The following SNX31 variants were observed in gnomAD, a reference collection of about 807,000 sequenced individuals.
The protein encoded by SNX31 is sorting nexin-31.
A neutral mutation model predicts 65.4 loss-of-function variants in SNX31; 58 were observed. The ratio of observed to expected loss-of-function variants is 0.89; its 90% CI spans 0.72 to 1.10. The LOEUF is 1.10. Ranked by LOEUF, SNX31 falls within the 50% of genes least tolerant of loss-of-function variation. The pLI is 0.00. For synonymous variants in SNX31, 181 were observed against 190.1 expected, an observed-to-expected ratio of 0.95 and a Z score of 0.39; for missense variants, 523 against 529.7, an observed-to-expected ratio of 0.99 and a Z score of 0.12.
intron 1 of SNX31, among the ~76,000 whole-genome samples, chr8:100,655,846 C>T (rs1434801843): frequency 6.6e-6 from 1 of 152,120 alleles, no homozygotes; most frequent in African/African-American, 2.4e-5. Flanking sequence ...AAGGTGTGGA[C>T]AGCATGTGTT....
At chr8:100,611,429 C>T (rs1816698768) in intron 7 of SNX31, among the ~76,000 whole-genome samples, 1 of 152,056 alleles carries the variant, frequency 6.6e-6, no homozygotes. Flanking sequence ...AGATGGCTAC[C>T]CTCCTCATTT....
intron 10 of SNX31, among the ~76,000 whole-genome samples, chr8:100,589,286 A>G (rs1478710596): frequency 2.9e-5 from 4 of 135,962 alleles, no homozygotes; most frequent in Non-Finnish European, 4.6e-5. Context: ...GGGTGACAAG[A>G]GTGAGACTTC....
intron 2 of SNX31, among the ~76,000 whole-genome samples, chr8:100,640,563 G>C (rs1428728358): frequency 6.6e-6 from 1 of 152,220 alleles, no homozygotes; most frequent in African/African-American, 2.4e-5. Context: ...TTACAGTGGA[G>C]AAAACTGACA....
rs530027063 is a variant in SNX31 at position 100,625,831 on chromosome 8, G to C, written c.321+4496C>G. The stretch of plus-strand genomic sequence containing the variant: ...CCCACTGGACACCACCTAGTGGCAG[G>C]GGATGCTGAAGAGATGTACAGACAC... On this transcript the variant is annotated intron_variant, in intron 4 of 13. Transcript: ENST00000311812. The surrounding 1 kb of genome is among the most constrained non-coding windows in gnomAD (Gnocchi z 4.2). 2.6e-5 allele frequency among the ~76,000 whole-genome samples: 4 copies of C among 152,266 alleles called. No individual in the cohort carries two copies. The highest frequency in any genetic ancestry group is 9.6e-5 in the African/African-American group (4 of 41,548).
At chr8:100,606,713 G>A (rs1357037323) in intron 8 of SNX31, among the ~76,000 whole-genome samples, 2 of 152,124 alleles carry the variant, frequency 1.3e-5, no homozygotes, top group East Asian at 1.9e-4. Context: ...TTAGAGTCAC[G>A]CTAAATAAAG....
At chr8:100,580,105 TG>T (rs1470247732) in intron 12 of SNX31, among the ~76,000 whole-genome samples, 2 of 145,856 alleles carry the variant, frequency 1.4e-5, no homozygotes, top group African/African-American at 5.1e-5. Context: ...GAGGTTGCAG[TG>T]AGCTGAGATT....
rs1192738714 is a variant in SNX31, at chr8:100,575,769, T to A, written c.1227+1250A>T. 6.6e-6 allele frequency among the ~76,000 whole-genome samples: 1 copy of A among 152,210 alleles called. No homozygotes were observed. The highest frequency in any genetic ancestry group is 1.5e-5 in the Non-Finnish European group (1 of 68,038). On this transcript the variant is annotated intron_variant, in intron 13 of 13. Coordinates refer to ENST00000311812, the MANE Select transcript of SNX31 (RefSeq NM_152628.4). The surrounding 1 kb of genome is among the most constrained non-coding windows in gnomAD (Gnocchi z 5.1). Reference sequence around the variant, plus strand: ...TGGTGTTCTAGGATAATGGTTCCAATTCTGGTTGTATAATAGGACCACTTG... The same window carrying A: ...TGGTGTTCTAGGATAATGGTTCCAAATCTGGTTGTATAATAGGACCACTTG...
At position 100,648,808 on chromosome 8, in the gene SNX31, T is replaced by A. The variant is rs1819824984; in HGVS notation, c.141+466A>T. ...AAACAAAACTAGAGACACACCTTTT[T>A]AAAGGGGGCAAACTTAAGAAACTCT... On this transcript the variant is annotated intron_variant, in intron 2 of 13. Transcript: ENST00000311812. The surrounding 1 kb of genome is among the most constrained non-coding windows in gnomAD (Gnocchi z 4.3). Among the ~76,000 whole-genome samples, 2 of 152,302 alleles carry A rather than the reference T, an allele frequency of 1.3e-5. No homozygotes were observed. Among genetic ancestry groups the A allele is most frequent in the East Asian group, 3.9e-4 (2 of 5,182 alleles).
At chr8:100,650,941 C>T (rs558362239), upstream of SNX31, among the ~76,000 whole-genome samples, 1 of 151,884 alleles carries the variant, frequency 6.6e-6, no homozygotes, top group African/African-American at 2.4e-5. Context: ...CAACCTCTGC[C>T]TCCCGGGTTC....
chr8:100,592,562 G>T (rs1464677366), intron 10 of SNX31, among the ~76,000 whole-genome samples: 1 of 152,124 alleles, frequency 6.6e-6, no homozygotes, highest in Non-Finnish European at 1.5e-5. Flanking sequence ...AACTAGGCTG[G>T]CAGTTCCTCA....
At chr8:100,638,442 C>T (rs1818928182) in intron 2 of SNX31, among the ~76,000 whole-genome samples, 2 of 152,206 alleles carry the variant, frequency 1.3e-5, no homozygotes, top group African/African-American at 2.4e-5. Flanking sequence ...GCATTTCCAT[C>T]AGCACAAAAG....
chr8:100,642,495 T>C (rs1819327858), intron 2 of SNX31, among the ~76,000 whole-genome samples: 2 of 152,226 alleles, frequency 1.3e-5, no homozygotes, highest in African/African-American at 4.8e-5. Flanking sequence ...AAGGTTCTAA[T>C]ACCTATCACA....
At chr8:100,643,002 C>T (rs1204706800) in intron 2 of SNX31, among the ~76,000 whole-genome samples, 1 of 152,002 alleles carries the variant, frequency 6.6e-6, no homozygotes, top group Non-Finnish European at 1.5e-5. Context: ...ACCAGCCTGG[C>T]CAACATGGCA....
chr8:100,574,751 T>C (rs1041194847), intron 13 of SNX31, among the ~76,000 whole-genome samples: 1 of 151,796 alleles, frequency 6.6e-6, no homozygotes, highest in African/African-American at 2.4e-5. Flanking sequence ...CTGGCCAGCA[T>C]GGTGAAACCC....
Position 100,573,204 on chromosome 8 carries a change from T to G in SNX31, c.*661A>C, listed in dbSNP as rs1391195351. Reference sequence around the variant, plus strand: ...TTGATTATTGAACTGCCTTCAGTACTCTAAGGACAGAATAAAATTATAACA... The same window carrying G: ...TTGATTATTGAACTGCCTTCAGTACGCTAAGGACAGAATAAAATTATAACA... On this transcript the variant is annotated 3_prime_UTR_variant, in exon 14 of 14. Transcript: ENST00000311812. The G allele has an allele frequency of 6.7e-6, 1 of 149,160 alleles. No homozygotes were observed. The highest frequency in any genetic ancestry group is 1.5e-5 in the Non-Finnish European group (1 of 68,010). The allele number at this position is 149,160 out of a possible 1,614,324, so 9.2% of individuals were successfully genotyped here.
At chr8:100,654,244 C>G (rs1039093276), upstream of SNX31, among the ~76,000 whole-genome samples, 2 of 152,122 alleles carry the variant, frequency 1.3e-5, no homozygotes, top group African/African-American at 4.8e-5. Flanking sequence ...CCCTTGGTCT[C>G]AAGTGCTCCT....
rs565832332 is a variant in SNX31 at position 100,588,742 on chromosome 8, G to A, written c.1092+124C>T. 39 of 565,480 alleles carry A rather than the reference G, an allele frequency of 6.9e-5. No homozygotes were observed. The highest frequency in any genetic ancestry group is 6.7e-4 in the African/African-American group (35 of 52,196). The allele number at this position is 565,480 out of a possible 1,614,324, so 35.0% of individuals were successfully genotyped here. A position where few individuals can be genotyped will look rare whatever the true frequency, so the allele number is the denominator to read the frequency against. On this transcript the variant is annotated intron_variant, in intron 11 of 13. Transcript: ENST00000311812. The surrounding 1 kb of genome is among the most constrained non-coding windows in gnomAD (Gnocchi z 4.8). Reference sequence around the variant, plus strand: ...AATAAAAGGTATTACGGTCCCGAACGAGAGTGCATAGAACACTTTAGGGTC... The same window carrying A: ...AATAAAAGGTATTACGGTCCCGAACAAGAGTGCATAGAACACTTTAGGGTC...
intron 3 of SNX31, among the ~76,000 whole-genome samples, chr8:100,631,472 C>T (rs1326030209): frequency 1.4e-5 from 2 of 139,230 alleles, no homozygotes; most frequent in African/African-American, 5.6e-5. Context: ...GAGTCTTGCT[C>T]TGTCACCCAG....
intron 10 of SNX31, among the ~76,000 whole-genome samples, chr8:100,592,874 C>T (rs1417722760): frequency 6.6e-6 from 1 of 152,204 alleles, no homozygotes; most frequent in Admixed American, 6.5e-5. Context: ...ACAAGGATCA[C>T]ATATTATATG....
Sources: allele counts gnomAD v4.1 joint callset (sites outside exome capture counted in the v4.1 genomes callset), GRCh38; gene constraint gnomAD v4.1.1; non-coding constraint Gnocchi (gnomAD v3.1); transcripts MANE v1.5; gene names NCBI Gene and HGNC (gene_info 2026-07-23, HGNC 2026-07-21).